Variants in PHACTR2 observed in about 807,000 individuals in gnomAD.
PHACTR2 encodes the protein phosphatase and actin regulator 2, also known as chromosome 6 open reading frame 56.
A neutral mutation model predicts 76.0 loss-of-function variants in PHACTR2; 30 were observed. That is an observed-to-expected ratio of 0.39 (90% CI 0.30 to 0.54). The LOEUF (loss-of-function observed/expected upper bound fraction) is 0.54, where lower values mean the gene tolerates loss of function less well. PHACTR2 is among the 20% of genes least tolerant of loss of function. The pLI, the probability that PHACTR2 is intolerant of heterozygous loss-of-function variation, is 0.61. For synonymous variants in PHACTR2, 292 were observed against 292.5 expected, an observed-to-expected ratio of 1.00 and a Z score of 0.02; for missense variants, 696 against 781.1, an observed-to-expected ratio of 0.89 and a Z score of 1.30.
At position 143,595,631 on chromosome 6, in the gene PHACTR2, A is replaced by G. The variant is rs750527560; in HGVS notation, c.217+58424A>G. 6.6e-6 allele frequency among the ~76,000 whole-genome samples: 1 copy of G among 152,202 alleles called. No homozygotes were observed. Among genetic ancestry groups the G allele is most frequent in the Non-Finnish European group, 1.5e-5 (1 of 68,038 alleles). ...TTCAATAGCCACATTTTAGATGACA[A>G]ATTTAAAATTGTATCCAAATTTCAA... On this transcript the variant is annotated intron_variant, in intron 1 of 11. Coordinates refer to the PHACTR2 transcript ENST00000367584. This position sits in a 1 kb window ranked among gnomAD's most constrained non-coding sequence, Gnocchi z 4.2.
At position 143,800,256 on chromosome 6, in the gene PHACTR2, A is replaced by AT. The variant is rs938616971; in HGVS notation, c.1846-6793dup. Among the ~76,000 whole-genome samples the AT allele has an allele frequency of 1.3e-5, 2 of 150,590 alleles. No homozygotes were observed. The highest frequency in any genetic ancestry group is 6.6e-5 in the Admixed American group (1 of 15,112). ...TTGGTAGGTCTTCCTCCATCCCTTT[A>AT]TTTTTTTTATTTTTTATTTTTTTGA... On this transcript the variant is annotated intron_variant, in intron 11 of 12. Coordinates refer to ENST00000440869, the MANE Select transcript of PHACTR2 (RefSeq NM_001100164.2). This position sits in a 1 kb window ranked among gnomAD's most constrained non-coding sequence, Gnocchi z 4.8.
rs898423018 is a variant in PHACTR2, at chr6:143,823,823, C to T, written c.*134C>T. 7 of 790,748 alleles carry T rather than the reference C, an allele frequency of 8.9e-6. No individual in the cohort carries two copies. The highest frequency in any genetic ancestry group is 1.7e-5 in the African/African-American group (1 of 59,790). 49.0% of individuals were successfully genotyped at this position (790,748 alleles called of 1,614,324 possible). On this transcript the variant is annotated 3_prime_UTR_variant, in exon 13 of 13. Transcript: ENST00000440869. The surrounding 1 kb of genome is among the most constrained non-coding windows in gnomAD (Gnocchi z 5.7). ...CTTGTGGTGAAGGAAGTGTGTGACT[C>T]AGCTTGGCTGGGAAGTGCTCCTCAC...
chr6:143,795,848 A>C lies in PHACTR2; in HGVS notation c.1845+6938A>C, dbSNP rs1192763607. On this transcript the variant is annotated intron_variant, in intron 11 of 12. Coordinates refer to ENST00000440869, the MANE Select transcript of PHACTR2 (RefSeq NM_001100164.2). This position sits in a 1 kb window ranked among gnomAD's most constrained non-coding sequence, Gnocchi z 4.8. ...TCCTGCTTGTCAATAAATGGTAGCT[A>C]TTACCAATATTATACTCATAGTCAG... 6.6e-6 allele frequency among the ~76,000 whole-genome samples: 1 copy of C among 152,218 alleles called. No individual in the cohort carries two copies. Among genetic ancestry groups the C allele is most frequent in the Non-Finnish European group, 1.5e-5 (1 of 68,048 alleles).
rs1562241821 is a variant in PHACTR2 at position 143,583,043 on chromosome 6, A to G, written c.217+45836A>G. ...ACATACTTTAATTAGAAACATCATAATGAGTCTTTCTATTTTGGATATGAA... is the reference window on the plus strand; with the variant it reads ...ACATACTTTAATTAGAAACATCATAGTGAGTCTTTCTATTTTGGATATGAA... On this transcript the variant is annotated intron_variant, in intron 1 of 11. Transcript: ENST00000367584. The surrounding 1 kb of genome is among the most constrained non-coding windows in gnomAD (Gnocchi z 4.0). Among the ~76,000 whole-genome samples the G allele has an allele frequency of 2.6e-5, 4 of 152,256 alleles. No individual in the cohort carries two copies. The highest frequency in any genetic ancestry group is 6.5e-5 in the Admixed American group (1 of 15,288).
In PHACTR2 at chr6:143,541,749, C is replaced by A. The variant is rs1253085145; in HGVS notation, c.217+4542C>A. On this transcript the variant is annotated intron_variant, in intron 1 of 11. Coordinates refer to the PHACTR2 transcript ENST00000367584. This position sits in a 1 kb window ranked among gnomAD's most constrained non-coding sequence, Gnocchi z 5.3. ...TCAGTTCATATGCACTGCTTCCTGGCCACTTCCATGAGATACTGCTGTCCA... is the reference window on the plus strand; with the variant it reads ...TCAGTTCATATGCACTGCTTCCTGGACACTTCCATGAGATACTGCTGTCCA... 6.6e-6 allele frequency among the ~76,000 whole-genome samples: 1 copy of A among 152,190 alleles called. No individual in the cohort carries two copies. The highest frequency in any genetic ancestry group is 1.9e-4 in the East Asian group (1 of 5,198).
chr6:143,628,304 T>C (rs2128441457), intron 1 of PHACTR2, among the ~76,000 whole-genome samples: 1 of 152,366 alleles, frequency 6.6e-6, no homozygotes, highest in Non-Finnish European at 1.5e-5. Flanking sequence ...CTGTAACAAA[T>C]TGCCACAAAC....
rs983070665 is a variant in PHACTR2 at position 143,750,685 on chromosome 6, G to C, written c.295+1620G>C. 2.0e-5 allele frequency among the ~76,000 whole-genome samples: 3 copies of C among 152,090 alleles called. No individual in the cohort carries two copies. Among genetic ancestry groups the C allele is most frequent in the African/African-American group, 7.2e-5 (3 of 41,400 alleles). On this transcript the variant is annotated intron_variant, in intron 3 of 12. Transcript: ENST00000440869. This position sits in a 1 kb window ranked among gnomAD's most constrained non-coding sequence, Gnocchi z 4.6. ...TTAAAGAAATGATTTTTATTCTGCC[G>C]AATCTGTGAAACTATTTGCCTCATA... is the stretch of plus-strand genomic sequence containing the variant.
chr6:143,626,276 G>A (rs1776255568), intron 1 of PHACTR2, among the ~76,000 whole-genome samples: 1 of 152,002 alleles, frequency 6.6e-6, no homozygotes, highest in African/African-American at 2.4e-5. Context: ...GGTTGCTCAC[G>A]CCCGTAATCC....
chr6:143,774,270 A>G lies in PHACTR2; in HGVS notation c.1589+55A>G. 7.0e-7 allele frequency: 1 copy of G among 1,424,406 alleles called. No individual in the cohort carries two copies. The highest frequency in any genetic ancestry group is 9.8e-7 in the Non-Finnish European group (1 of 1,017,752). The allele number at this position is 1,424,406 out of a possible 1,614,324, so 88.2% of individuals were successfully genotyped here. On this transcript the variant is annotated intron_variant, in intron 8 of 12. Transcript: ENST00000440869. The surrounding 1 kb of genome is among the most constrained non-coding windows in gnomAD (Gnocchi z 5.4). ...ACTAATTTGTATTTTTCTCCCTCCCAAAGCTTCCTACCTAACTGGGGTCAT... is the reference window on the plus strand; with the variant it reads ...ACTAATTTGTATTTTTCTCCCTCCCGAAGCTTCCTACCTAACTGGGGTCAT...
intron 10 of PHACTR2, among the ~76,000 whole-genome samples, chr6:143,785,930 C>T (rs1043781001): frequency 3.3e-5 from 5 of 152,198 alleles, no homozygotes; most frequent in African/African-American, 1.2e-4. Flanking sequence ...GGCCTTCAGG[C>T]CTGTGATGGG....
Position 143,627,903 on chromosome 6 carries a change from T to A in PHACTR2, c.13+19581T>A, listed in dbSNP as rs536318444. Among the ~76,000 whole-genome samples the A allele has an allele frequency of 7.9e-5, 12 of 152,278 alleles. No individual in the cohort carries two copies. The highest frequency in any genetic ancestry group is 5.2e-4 in the Admixed American group (8 of 15,294). The stretch of plus-strand genomic sequence containing the variant: ...TCTATCTGGTTCCAAAGCCTTTTCA[T>A]CTACCTCAAGAAAACCCTATACCCA... On this transcript the variant is annotated intron_variant, in intron 1 of 11. Transcript: ENST00000305766. The surrounding 1 kb of genome is among the most constrained non-coding windows in gnomAD (Gnocchi z 4.3).
chr6:143,626,861 A>C (rs925944859), intron 1 of PHACTR2, among the ~76,000 whole-genome samples: 3 of 152,212 alleles, frequency 2.0e-5, no homozygotes, highest in Admixed American at 1.3e-4. Flanking sequence ...TCTTTCAGCT[A>C]TCACATTGAG....
chr6:143,628,567 C>G (rs1422286302), intron 1 of PHACTR2, among the ~76,000 whole-genome samples: 4 of 152,182 alleles, frequency 2.6e-5, no homozygotes, highest in Non-Finnish European at 1.5e-5. Flanking sequence ...CCCTCTGACT[C>G]TGGCCCTTCG....
chr6:143,576,959 A>G lies in PHACTR2; in HGVS notation c.217+39752A>G, dbSNP rs376296383. 2.4e-4 allele frequency among the ~76,000 whole-genome samples: 36 copies of G among 152,012 alleles called. No homozygotes were observed. In the East Asian group the frequency reaches 5.6e-3, roughly 24 times the overall value. On this transcript the variant is annotated intron_variant, in intron 1 of 11. Coordinates refer to the PHACTR2 transcript ENST00000367584. ...GACACTGCTTGTATTATAGGTATAT[A>G]CTACTTAAAACTCTATGCTAACATA...
At chr6:143,673,048 C>T (rs1777183908), upstream of PHACTR2, among the ~76,000 whole-genome samples, 1 of 152,134 alleles carries the variant, frequency 6.6e-6, no homozygotes, top group East Asian at 1.9e-4. Flanking sequence ...TCTCTTCCTC[C>T]ACTGTTAGGA....
chr6:143,630,666 C>T (rs910669361), intron 1 of PHACTR2, among the ~76,000 whole-genome samples: 10 of 152,160 alleles, frequency 6.6e-5, no homozygotes, highest in Admixed American at 4.6e-4. Context: ...AAAGTAAATT[C>T]CTTTGTTTAA....
chr6:143,577,367 C>T (rs1775526848), intron 1 of PHACTR2, among the ~76,000 whole-genome samples: 1 of 152,022 alleles, frequency 6.6e-6, no homozygotes, highest in African/African-American at 2.4e-5. Context: ...AAATTATGAT[C>T]CCAGATAACA....
rs746813541 is a variant in PHACTR2 at position 143,599,202 on chromosome 6, A to G, written c.217+61995A>G. Among the ~76,000 whole-genome samples, 4 of 152,220 alleles carry G rather than the reference A, an allele frequency of 2.6e-5. No individual in the cohort carries two copies. The highest frequency in any genetic ancestry group is 6.5e-5 in the Admixed American group (1 of 15,280). On this transcript the variant is annotated intron_variant, in intron 1 of 11. Coordinates refer to the PHACTR2 transcript ENST00000367584. This position sits in a 1 kb window ranked among gnomAD's most constrained non-coding sequence, Gnocchi z 4.6. ...ATGGTGAAAAAGAATCATTCTCTCA[A>G]TTAATCTAAAGCCTATGTGTTAATA...
At chr6:143,607,738 C>G (rs1017115806), upstream of PHACTR2, among the ~76,000 whole-genome samples, 1 of 152,168 alleles carries the variant, frequency 6.6e-6, no homozygotes, top group Non-Finnish European at 1.5e-5. Flanking sequence ...GTTTTATCTG[C>G]TACTCCCTGC....
Sources: allele counts gnomAD v4.1 joint callset (sites outside exome capture counted in the v4.1 genomes callset), GRCh38; gene constraint gnomAD v4.1.1; non-coding constraint Gnocchi (gnomAD v3.1); transcripts MANE v1.5; gene names NCBI Gene and HGNC (gene_info 2026-07-23, HGNC 2026-07-21).